ASTN2: variants seen among roughly 807,000 people sequenced by gnomAD.
ASTN2 encodes astrotactin-2.
Under a neutral mutation model 139.8 loss-of-function variants are expected in ASTN2, and 54 were observed. The observed-to-expected ratio is 0.39, with a 90% CI of 0.31 to 0.48. The LOEUF (loss-of-function observed/expected upper bound fraction) is 0.48. Ranked by LOEUF, ASTN2 falls within the 20% of genes least tolerant of loss-of-function variation. The probability of loss-of-function intolerance (pLI) is 0.95; values close to 1 mark genes in which losing one functional copy is unlikely to be tolerated. For missense variants in ASTN2, 1,565 were observed against 1,725.1 expected, an observed-to-expected ratio of 0.91 and a Z score of 1.64; for synonymous variants, 756 against 719.5, an observed-to-expected ratio of 1.05 and a Z score of -0.81.
intron 16 of ASTN2, among the ~76,000 whole-genome samples, chr9:116,657,948 C>T (rs970805130): frequency 2.1e-5 from 3 of 146,174 alleles, no homozygotes; most frequent in African/African-American, 7.5e-5. Flanking sequence ...AGTGCAGTGG[C>T]ACAATCTCGG....
chr9:117,003,282 C>A (rs1251534360), intron 7 of ASTN2, among the ~76,000 whole-genome samples: 1 of 152,118 alleles, frequency 6.6e-6, no homozygotes, highest in East Asian at 1.9e-4. Context: ...AGTCCTTGAG[C>A]CAGAAGCATC....
At chr9:117,267,267 T>A (rs968397837) in intron 2 of ASTN2, among the ~76,000 whole-genome samples, 1 of 152,290 alleles carries the variant, frequency 6.6e-6, no homozygotes, top group African/African-American at 2.4e-5. Flanking sequence ...GAGGAGACCA[T>A]GGAGACATGA....
At chr9:116,909,188 G>T (rs1834247093) in intron 10 of ASTN2, among the ~76,000 whole-genome samples, 1 of 152,186 alleles carries the variant, frequency 6.6e-6, no homozygotes, top group South Asian at 2.1e-4. Flanking sequence ...GGTGGAGAAT[G>T]GATTGTGTTA....
At chr9:116,913,971 A>G (rs917009077) in intron 10 of ASTN2, among the ~76,000 whole-genome samples, 6 of 149,874 alleles carry the variant, frequency 4.0e-5, no homozygotes, top group African/African-American at 1.5e-4. Context: ...AGACAAGAAA[A>G]GGAACAGATT....
At chr9:117,365,871 T>C (rs1829831847) in intron 1 of ASTN2, among the ~76,000 whole-genome samples, 1 of 152,306 alleles carries the variant, frequency 6.6e-6, no homozygotes, top group Admixed American at 6.5e-5. Flanking sequence ...GGCAGGCCAC[T>C]TCTCTTATTG....
At chr9:117,102,144 C>T (rs1187300004) in intron 4 of ASTN2, among the ~76,000 whole-genome samples, 3 of 152,174 alleles carry the variant, frequency 2.0e-5, no homozygotes, top group Non-Finnish European at 4.4e-5. Flanking sequence ...AAATGTCAAT[C>T]ACCTGATGAA....
chr9:116,978,215 G>A (rs1836407775), intron 7 of ASTN2, among the ~76,000 whole-genome samples: 1 of 151,968 alleles, frequency 6.6e-6, no homozygotes, highest in African/African-American at 2.4e-5. Flanking sequence ...TTTTTCTTTG[G>A]GAGCCTTGTT....
At chr9:116,916,054 C>T (rs2132427910) in intron 10 of ASTN2, among the ~76,000 whole-genome samples, 1 of 152,322 alleles carries the variant, frequency 6.6e-6, no homozygotes, top group Admixed American at 6.5e-5. Flanking sequence ...TTGCAGGACA[C>T]TTAGCTGGTG....
At chr9:117,162,592 C>G (rs928535681) in intron 3 of ASTN2, among the ~76,000 whole-genome samples, 1 of 152,038 alleles carries the variant, frequency 6.6e-6, no homozygotes, top group Non-Finnish European at 1.5e-5. Flanking sequence ...CTCCACATAC[C>G]AGCTGTGAGA....
chr9:117,147,389 T>A (rs1830221100), intron 3 of ASTN2, among the ~76,000 whole-genome samples: 2 of 151,608 alleles, frequency 1.3e-5, no homozygotes. Flanking sequence ...TGAGCTGAGA[T>A]CACGCCATTG....
chr9:116,631,426 G>C (rs1856739526), intron 17 of ASTN2, among the ~76,000 whole-genome samples: 1 of 152,158 alleles, frequency 6.6e-6, no homozygotes. Flanking sequence ...CACAGGAATA[G>C]AACTGGAGGT....
At chr9:117,392,254 G>A (rs538839334) in intron 1 of ASTN2, among the ~76,000 whole-genome samples, 2 of 152,174 alleles carry the variant, frequency 1.3e-5, no homozygotes, top group East Asian at 3.9e-4. Context: ...AGAAATACAT[G>A]GATTCAAAAG....
chr9:116,706,443 C>T (rs1357495033), intron 16 of ASTN2, among the ~76,000 whole-genome samples: 1 of 152,118 alleles, frequency 6.6e-6, no homozygotes, highest in Admixed American at 6.5e-5. Flanking sequence ...TAAGAATCCT[C>T]ACTGCAGCCC....
chr9:116,890,039 C>T (rs1398897182), intron 10 of ASTN2, among the ~76,000 whole-genome samples: 1 of 152,188 alleles, frequency 6.6e-6, no homozygotes, highest in Admixed American at 6.5e-5. Context: ...TGCTAAAGCT[C>T]ATTTCAACCA....
chr9:116,848,725 C>T (rs1442728831), intron 11 of ASTN2, among the ~76,000 whole-genome samples: 3 of 152,184 alleles, frequency 2.0e-5, no homozygotes, highest in Admixed American at 2.0e-4. Flanking sequence ...ACTTCTGTGA[C>T]CTCTGGTCAC....
Position 116,669,125 on chromosome 9 carries a change from T to C in ASTN2, c.2807-17332A>G, listed in dbSNP as rs554201882. Among the ~76,000 whole-genome samples the C allele has an allele frequency of 1.3e-4, 20 of 152,300 alleles. 1 individual carries two copies. Among genetic ancestry groups the C allele is most frequent in the Admixed American group, 1.3e-3 (20 of 15,294 alleles). ...ATAAGACATGTCCACCAGTGTGCCA[T>C]GTCAGTTCACCATTGCCATGGCAAC... On this transcript the variant is annotated intron_variant, in intron 16 of 22. Coordinates refer to ENST00000313400, the MANE Select transcript of ASTN2 (RefSeq NM_001365068.1).
chr9:117,109,865 CT>C (rs1303213315), intron 4 of ASTN2, among the ~76,000 whole-genome samples: 1 of 152,106 alleles, frequency 6.6e-6, no homozygotes, highest in Non-Finnish European at 1.5e-5. Context: ...ATTGTTTCAC[CT>C]TTTTGGCCTT....
chr9:116,456,396 A>G (rs1848333747), intron 20 of ASTN2, among the ~76,000 whole-genome samples: 1 of 152,174 alleles, frequency 6.6e-6, no homozygotes, highest in Non-Finnish European at 1.5e-5. Context: ...TCATGGATTG[A>G]AAGAATAAAA....
chr9:117,120,016 G>GTGTGTA (rs1829507639), intron 4 of ASTN2, among the ~76,000 whole-genome samples: 3 of 33,838 alleles, frequency 8.9e-5, no homozygotes, highest in Non-Finnish European at 7.2e-5. Context: ...GTGTGTGTGT[G>GTGTGTA]TGTATATATA....
Sources: gnomAD v4.1 joint callset for allele counts (sites outside exome capture counted in the v4.1 genomes callset) on GRCh38, gnomAD v4.1.1 for gene constraint, MANE v1.5 for transcripts, NCBI Gene and HGNC (gene_info 2026-07-23, HGNC 2026-07-21) for gene names.